Variants in AGBL4 observed in about 807,000 individuals in gnomAD.
AGBL4 encodes the protein cytosolic carboxypeptidase 6.
AGBL4 carries 58 observed loss-of-function variants against 66.4 expected under a neutral mutation model. The observed-to-expected ratio is 0.87, with a 90% CI of 0.71 to 1.09. The LOEUF (loss-of-function observed/expected upper bound fraction) is 1.09. Ranked by LOEUF, AGBL4 falls within the 50% of genes least tolerant of loss-of-function variation. The probability of loss-of-function intolerance (pLI) is 0.00; values close to 1 mark genes in which losing one functional copy is unlikely to be tolerated. For synonymous variants in AGBL4, 234 were observed against 222.9 expected (o/e 1.05, Z -0.44); for missense variants, 579 against 631.0 (o/e 0.92, Z 0.88).
chr1:49,515,863 G>T (rs1425287786), intron 3 of AGBL4, among the ~76,000 whole-genome samples: 6 of 127,790 alleles, frequency 4.7e-5, no homozygotes, highest in Non-Finnish European at 6.3e-5. Flanking sequence ...ACAGGAAGGG[G>T]AACATTACAC....
intron 3 of AGBL4, among the ~76,000 whole-genome samples, chr1:49,385,715 G>A: frequency 6.6e-6 from 1 of 152,074 alleles, no homozygotes; most frequent in African/African-American, 2.4e-5. Context: ...TAAAAGAAGA[G>A]AAGACATAAA....
chr1:49,268,283 T>G (rs1643970056), intron 3 of AGBL4: 1 of 152,138 alleles, frequency 6.6e-6, no homozygotes, highest in South Asian at 2.1e-4. Flanking sequence ...TTTTTTTAAA[T>G]GGGCTATTCA....
intron 1 of AGBL4, among the ~76,000 whole-genome samples, chr1:49,892,068 AAC>A (rs1648712990): frequency 6.6e-6 from 1 of 152,156 alleles, no homozygotes; most frequent in South Asian, 2.1e-4. Context: ...TGGCCAAATA[AAC>A]ACACACTGCA....
chr1:49,887,152 T>TAC (rs71572691), intron 1 of AGBL4, among the ~76,000 whole-genome samples: 4,913 of 145,856 alleles, frequency 0.034, 152 homozygotes, highest in African/African-American at 0.077. Context: ...TATATATATA[T>TAC]ACATTGTGTG....
chr1:48,530,882 A>T (rs374816652), downstream of AGBL4, among the ~76,000 whole-genome samples: 19 of 152,162 alleles, frequency 1.2e-4, no homozygotes, highest in East Asian at 1.7e-3. Context: ...CTCTAATCTG[A>T]GACAGACCTG....
intron 3 of AGBL4, among the ~76,000 whole-genome samples, chr1:49,465,122 T>G (rs541488084): frequency 6.6e-6 from 1 of 151,574 alleles, no homozygotes; most frequent in East Asian, 2.0e-4. Flanking sequence ...TGGAGCTATT[T>G]TGAGAAAATA....
chr1:48,956,772 G>A (rs1455127136), intron 5 of AGBL4, among the ~76,000 whole-genome samples: 2 of 152,062 alleles, frequency 1.3e-5, no homozygotes, highest in Non-Finnish European at 2.9e-5. Flanking sequence ...TAGAATAGCA[G>A]GCAGATAGGA....
At chr1:49,122,685 A>G (rs1487990250) in intron 4 of AGBL4, among the ~76,000 whole-genome samples, 1 of 152,160 alleles carries the variant, frequency 6.6e-6, no homozygotes, top group Non-Finnish European at 1.5e-5. Context: ...ACCTTAGACA[A>G]TTTACTTCAG....
At chr1:49,098,390 C>T (rs773436540) in intron 4 of AGBL4, among the ~76,000 whole-genome samples, 2 of 152,170 alleles carry the variant, frequency 1.3e-5, no homozygotes, top group African/African-American at 4.8e-5. Flanking sequence ...CAATATAGCA[C>T]TGAGAAAAGT....
chr1:49,367,697 C>T (rs1440574545), intron 3 of AGBL4, among the ~76,000 whole-genome samples: 1 of 152,138 alleles, frequency 6.6e-6, no homozygotes, highest in African/African-American at 2.4e-5. Flanking sequence ...TGTTTGGGTT[C>T]TTACGACGGA....
intron 3 of AGBL4, among the ~76,000 whole-genome samples, chr1:49,391,664 C>G (rs1644852274): frequency 6.6e-6 from 1 of 151,160 alleles, no homozygotes; most frequent in Admixed American, 6.6e-5. Flanking sequence ...CGGGTTCACA[C>G]CATTCTCCTG....
chr1:49,948,033 T>TATAA lies in AGBL4; in HGVS notation c.34+75729_34+75730insTTAT, dbSNP rs1553151835. The stretch of plus-strand genomic sequence containing the variant: ...AAATATATAAATATATATAAATATA[T>TATAA]ATACATATAAATATATAAATATATA... On this transcript the variant is annotated intron_variant, in intron 1 of 13. Coordinates refer to ENST00000371839, the MANE Select transcript of AGBL4 (RefSeq NM_032785.4). Among the ~76,000 whole-genome samples, 97 of 28,432 alleles carry TATAA rather than the reference T, an allele frequency of 3.4e-3. 4 individuals are homozygous for TATAA. Among genetic ancestry groups the TATAA allele is most frequent in the South Asian group, 0.016 (9 of 548 alleles). The allele number at this position is 28,432 out of a possible 152,430, so 18.7% of individuals were successfully genotyped here.
chr1:49,121,179 T>A (rs1258454189), intron 4 of AGBL4, among the ~76,000 whole-genome samples: 2 of 152,198 alleles, frequency 1.3e-5, no homozygotes, highest in African/African-American at 2.4e-5. Flanking sequence ...AGAAGTTTGT[T>A]ATTACCAACC....
At chr1:49,516,476 C>T (rs1427220409) in intron 3 of AGBL4, among the ~76,000 whole-genome samples, 2 of 152,050 alleles carry the variant, frequency 1.3e-5, no homozygotes, top group African/African-American at 4.8e-5. Context: ...AGGAAAGAAA[C>T]ATCATTGCAT....
chr1:49,203,577 A>G (rs1307919563), intron 4 of AGBL4, among the ~76,000 whole-genome samples: 1 of 152,216 alleles, frequency 6.6e-6, no homozygotes, highest in Non-Finnish European at 1.5e-5. Flanking sequence ...TCATAGAAAT[A>G]GATAATATAA....
intron 1 of AGBL4, among the ~76,000 whole-genome samples, chr1:50,023,067 A>T (rs1271396321): frequency 1.3e-5 from 2 of 151,822 alleles, no homozygotes; most frequent in East Asian, 3.9e-4. Flanking sequence ...ATTCTGAATG[A>T]CCTTCAAGAT....
chr1:48,776,499 G>A (rs1645091580), intron 6 of AGBL4: 1 of 822,442 alleles, frequency 1.2e-6, no homozygotes. Flanking sequence ...GAGGCAGGAA[G>A]GAGCAAGCAG....
chr1:49,199,875 TA>T (rs1647548256), intron 4 of AGBL4, among the ~76,000 whole-genome samples: 1 of 152,166 alleles, frequency 6.6e-6, no homozygotes, highest in African/African-American at 2.4e-5. Context: ...CTGTTTGTTA[TA>T]AACAGCTATC....
At chr1:49,528,225 A>G (rs978700939) in intron 3 of AGBL4, among the ~76,000 whole-genome samples, 2 of 152,084 alleles carry the variant, frequency 1.3e-5, no homozygotes, top group Non-Finnish European at 2.9e-5. Flanking sequence ...AAAAGCAGAG[A>G]AAAATAAAGG....
Sources: gnomAD v4.1 joint callset for allele counts (sites outside exome capture counted in the v4.1 genomes callset) on GRCh38, gnomAD v4.1.1 for gene constraint, MANE v1.5 for transcripts, NCBI Gene and HGNC (gene_info 2026-07-23, HGNC 2026-07-21) for gene names.